Variants in RPAP1 observed in about 807,000 individuals in gnomAD.
RPAP1 encodes RNA polymerase II-associated protein 1.
RPAP1 carries 109 observed loss-of-function variants against 142.4 expected under a neutral mutation model. That is an observed-to-expected ratio of 0.77 (90% CI 0.66 to 0.90). The LOEUF (loss-of-function observed/expected upper bound fraction) is 0.90, where lower values mean the gene tolerates loss of function less well. Ranked by LOEUF, RPAP1 falls within the 40% of genes least tolerant of loss-of-function variation. The pLI is 0.00. For synonymous variants in RPAP1, 704 were observed against 738.9 expected (o/e 0.95, Z 0.77); for missense variants, 1,546 against 1,751.7 (o/e 0.88, Z 2.10).
At chr15:41,524,002 AGG>A (rs775856250) in intron 16 of RPAP1, 30 bp from the exon 17 acceptor site, 1 of 1,612,930 alleles carries the variant, frequency 6.2e-7, no homozygotes, top group South Asian at 1.1e-5. Context: ...TGCCACAGTG[AGG>A]ATCTGGCTGC....
At chr15:41,532,584 G>GTA (rs1466488524) in intron 6 of RPAP1, among the ~76,000 whole-genome samples, 1 of 152,126 alleles carries the variant, frequency 6.6e-6, no homozygotes, top group African/African-American at 2.4e-5. Context: ...GTATCACAGA[G>GTA]TAGAAGAGAC....
In RPAP1 at chr15:41,520,843, CT is replaced by C. The variant is rs766229854; in HGVS notation, c.3342del (p.Asp1115ThrfsTer23). 2.5e-6 allele frequency: 4 copies of C among 1,613,768 alleles called. No homozygotes were observed. The highest frequency in any genetic ancestry group is 3.4e-6 in the Non-Finnish European group (4 of 1,180,044). ...GTGGGAGAGAGTCCCGAGGGGGTGT[CT>C]GAAGCCCGGTGGTAGAGGCGAATCA... is the stretch of plus-strand genomic sequence containing the variant. ...LPLIRLYHRASDTPSGLSPTD... is the reference protein window; with the variant it reads ...LPLIRLYHRAXDTPSGLSPTD... On this transcript the variant is annotated frameshift_variant, in exon 22 of 25. Transcript: ENST00000304330. LOFTEE classifies it high-confidence loss of function.
At chr15:41,534,659 A>G (rs1331811754) in intron 6 of RPAP1, 55 bp downstream of exon 6, 9 of 1,343,222 alleles carry the variant, frequency 6.7e-6, no homozygotes, top group African/African-American at 1.4e-5. Flanking sequence ...GCCTAGCTCA[A>G]TAAGTGGTAT....
At position 41,531,639 on chromosome 15, in the gene RPAP1, T is replaced by A. The variant is rs1416665084; in HGVS notation, c.764-437A>T. On this transcript the variant is annotated intron_variant, in intron 6 of 24. Coordinates refer to ENST00000304330, the MANE Select transcript of RPAP1 (RefSeq NM_015540.4). ...TATATATATATATATTTTTTTTTTT[T>A]TTTTTTTTTTTTTTTTTTTGAGACG... Among the ~76,000 whole-genome samples, 159 of 59,680 alleles carry A rather than the reference T, an allele frequency of 2.7e-3. 2 individuals carry two copies. Among genetic ancestry groups the A allele is most frequent in the South Asian group, 5.7e-3 (13 of 2,296 alleles). The allele number at this position is 59,680 out of a possible 152,430, so 39.2% of individuals were successfully genotyped here. A position where few individuals can be genotyped will look rare whatever the true frequency, so the allele number is the denominator to read the frequency against.
intron 6 of RPAP1, chr15:41,533,248 T>A (rs2051872898): frequency 6.6e-6 from 1 of 150,624 alleles, no homozygotes; most frequent in Non-Finnish European, 1.5e-5. Context: ...GGTCGGTGGA[T>A]CACTTGATGC....
Position 41,522,968 on chromosome 15 carries a change from T to C in RPAP1, c.2547-8A>G, listed in dbSNP as rs2051746094. 1 of 1,517,022 alleles carries C rather than the reference T, an allele frequency of 6.6e-7. No individual in the cohort carries two copies. Among genetic ancestry groups the C allele is most frequent in the East Asian group, 2.4e-5 (1 of 40,934 alleles). The allele number at this position is 1,517,022 out of a possible 1,614,324, so 94.0% of individuals were successfully genotyped here. A position where few individuals can be genotyped will look rare whatever the true frequency, so the allele number is the denominator to read the frequency against. On this transcript the variant is annotated splice_region_variant and splice_polypyrimidine_tract_variant and intron_variant, in intron 18 of 24. Transcript: ENST00000304330. Reference sequence around the variant, plus strand: ...CAGAGAAGGGAGCAGTGCCTGTAGGTGAAGTGGAGAGTCTGAGGGGGACTC... The same window carrying C: ...CAGAGAAGGGAGCAGTGCCTGTAGGCGAAGTGGAGAGTCTGAGGGGGACTC...
In RPAP1 at chr15:41,519,965, T is replaced by C. The variant is rs2051706551; in HGVS notation, c.3795+426A>G. On this transcript the variant is annotated intron_variant, in intron 22 of 24. Transcript: ENST00000304330. Reference sequence around the variant, plus strand: ...TTTTTTCTTTTTTGAGACAGGGTCTTGCTCTGTCACTGGGCTGGGGTGCAG... The same window carrying C: ...TTTTTTCTTTTTTGAGACAGGGTCTCGCTCTGTCACTGGGCTGGGGTGCAG... The C allele has an allele frequency of 2.3e-5, 5 of 217,286 alleles. No homozygotes were observed. The South Asian group carries it at 3.6e-4, about 16-fold the overall frequency. The allele number at this position is 217,286 out of a possible 1,614,324, so 13.5% of individuals were successfully genotyped here. A position where few individuals can be genotyped will look rare whatever the true frequency, so the allele number is the denominator to read the frequency against.
chr15:41,524,020 G>A (rs376409007), intron 16 of RPAP1, 48 bp from the exon 17 acceptor site: 32 of 1,609,864 alleles, frequency 2.0e-5, no homozygotes, highest in East Asian at 6.7e-5. Flanking sequence ...GCTGCCTCAC[G>A]CCCCTTTACA....
At position 41,522,769 on chromosome 15, in the gene RPAP1, C is replaced by T. The variant is rs752179255; in HGVS notation, c.2738G>A (p.Gly913Asp). The T allele has an allele frequency of 2.0e-6, 3 of 1,531,796 alleles. No homozygotes were observed. The African/African-American group carries it at 4.3e-5, about 22-fold the overall frequency. The allele number at this position is 1,531,796 out of a possible 1,614,324, so 94.9% of individuals were successfully genotyped here. A position where few individuals can be genotyped will look rare whatever the true frequency, so the allele number is the denominator to read the frequency against. ...TLAQIHKGLC[G>D]QLAAILAAPG... ...AATCAGGCACCCCACACTTACCTGG[C>T]CACACAGCCCCTTGTGGATCTGGGC... is the stretch of plus-strand genomic sequence containing the variant. Residue 913 changes from glycine to aspartate, a missense_variant, in exon 19 of 25, where the codon GGC becomes GAC. By Grantham distance (94) the Gly-to-Asp change is moderately conservative. Around this residue, in one of 3 missense-constraint regions of RPAP1, gnomAD observed 1,333 missense variants for 1,486.6 expected, o/e 0.90. Coordinates refer to ENST00000304330, the MANE Select transcript of RPAP1 (RefSeq NM_015540.4).
intron 22 of RPAP1, chr15:41,519,468 C>G (rs2051702255): frequency 6.6e-6 from 1 of 152,014 alleles, no homozygotes; most frequent in Non-Finnish European, 1.5e-5. Context: ...ACCTCGGCCT[C>G]CCAAAGTGCT....
In RPAP1 at chr15:41,522,823, G is replaced by A; in HGVS notation, c.2684C>T (p.Thr895Ile). 1 of 1,586,538 alleles carries A rather than the reference G, an allele frequency of 6.3e-7. No homozygotes were observed. The highest frequency in any genetic ancestry group is 8.5e-7 in the Non-Finnish European group (1 of 1,171,142). Residue 895 changes from threonine to isoleucine, a missense_variant, in exon 19 of 25, where the codon ACT (threonine) becomes ATT (isoleucine). By Grantham distance (89) the Thr-to-Ile change is moderately conservative. Coordinates refer to ENST00000304330, the MANE Select transcript of RPAP1 (RefSeq NM_015540.4). ...GGTATTAAGAAGAGAGAGGAGGGCA[G>A]TGAGGAATGGGAAGGGTGAGGCTGA... ...AGSASPFPFLTALLSLLNTLA... is the reference protein window; with the variant it reads ...AGSASPFPFLIALLSLLNTLA...
intron 6 of RPAP1, among the ~76,000 whole-genome samples, chr15:41,534,249 C>T (rs182745566): frequency 8.6e-5 from 13 of 151,880 alleles, no homozygotes; most frequent in Non-Finnish European, 1.6e-4. Flanking sequence ...GAAACCCTAC[C>T]TCTACTAAAA....
intron 14 of RPAP1, among the ~76,000 whole-genome samples, chr15:41,526,145 T>G (rs537523243): frequency 6.6e-6 from 1 of 152,316 alleles, no homozygotes; most frequent in East Asian, 1.9e-4. Flanking sequence ...AGGTGGGGTT[T>G]TGCCATATTG....
chr15:41,525,072 T>C lies in RPAP1; in HGVS notation c.1994A>G (p.Glu665Gly), dbSNP rs2051776441. ...EAPQELALPP[E>G]EAEMLSTEAL... is the part of the protein sequence containing the mutation. ...CTCGGTGCTCAGCATCTCAGCTTCC[T>C]CTGGGGGCAAGGCCAGTTCTTGGGG... is the stretch of plus-strand genomic sequence containing the variant. Residue 665 changes from glutamate (E) to glycine (G), a missense_variant, in exon 15 of 25, where the codon GAG (glutamate) becomes GGG (glycine). Glu to Gly is a moderately conservative substitution (Grantham distance 98). Around this residue, in one of 3 missense-constraint regions of RPAP1, gnomAD observed 1,333 missense variants for 1,486.6 expected, o/e 0.90. Transcript: ENST00000304330. 6.2e-7 allele frequency: 1 copy of C among 1,614,100 alleles called. No individual in the cohort carries two copies. Among genetic ancestry groups the C allele is most frequent in the African/African-American group, 1.3e-5 (1 of 75,062 alleles).
In RPAP1 at chr15:41,517,423, C is replaced by G. The variant is rs1361590194; in HGVS notation, c.*119G>C. 3.1e-6 allele frequency: 3 copies of G among 965,370 alleles called. No homozygotes were observed. Among genetic ancestry groups the G allele is most frequent in the Non-Finnish European group, 4.6e-6 (3 of 654,962 alleles). The allele number at this position is 965,370 out of a possible 1,614,324, so 59.8% of individuals were successfully genotyped here. On this transcript the variant is annotated 3_prime_UTR_variant, in exon 25 of 25. Coordinates refer to ENST00000304330, the MANE Select transcript of RPAP1 (RefSeq NM_015540.4). ...AACAACCTGCTCCCAGGAAGGCAAG[C>G]CTTCTGCTCCTTGGTCTCCTGCCTA...
rs1466582444 is a variant in RPAP1 at position 41,534,767 on chromosome 15, G to A, written c.710C>T (p.Ala237Val). The A allele has an allele frequency of 6.2e-7, 1 of 1,613,862 alleles. No individual in the cohort carries two copies. Among genetic ancestry groups the A allele is most frequent in the African/African-American group, 1.3e-5 (1 of 74,870 alleles). ...CTGCAGGATCTCCTCAGGAGCCATG[G>A]CCTGCAGTCTTGCTATGTTCTCTTC... ...IHEENIARLQ[A>V]MAPEEILQEQ... The change falls in exon 6 of 25, where the codon GCC becomes GTC. Residue 237 changes from alanine (A) to valine (V), a missense_variant. Ala to Val is a moderately conservative substitution (Grantham distance 64). Around this residue, in one of 3 missense-constraint regions of RPAP1, gnomAD observed 1,333 missense variants for 1,486.6 expected, o/e 0.90. Transcript: ENST00000304330.
intron 22 of RPAP1, 90 bp downstream of exon 22, chr15:41,520,301 T>C (rs770893844): frequency 2.8e-6 from 4 of 1,416,412 alleles, no homozygotes; most frequent in South Asian, 1.2e-5. Context: ...ATGAGGAAGC[T>C]GAGGTCTTCC....
At position 41,518,070 on chromosome 15, in the gene RPAP1, AC is replaced by A; in HGVS notation, c.3907del (p.Val1303CysfsTer79). ...TGALRPRWCP[V>X]LYAVAVAHVN... ...ATGAGCCACAGCCACAGCATAGAGC[AC>A]GGGGCACCAACGTGGGCGGAGCGCA... is the stretch of plus-strand genomic sequence containing the variant. On this transcript the variant is annotated frameshift_variant, in exon 23 of 25. Coordinates refer to ENST00000304330, the MANE Select transcript of RPAP1 (RefSeq NM_015540.4). LOFTEE classifies it high-confidence loss of function. 2 of 1,612,984 alleles carry A rather than the reference AC, an allele frequency of 1.2e-6. No homozygotes were observed. The highest frequency in any genetic ancestry group is 1.7e-6 in the Non-Finnish European group (2 of 1,179,680).
At chr15:41,540,915 T>C (rs2051966016) in intron 1 of RPAP1, among the ~76,000 whole-genome samples, 2 of 152,212 alleles carry the variant, frequency 1.3e-5, no homozygotes, top group African/African-American at 4.8e-5. Flanking sequence ...GAAGCTGTCC[T>C]GCGCACTGTA....
Sources: gnomAD v4.1 joint callset for allele counts (sites outside exome capture counted in the v4.1 genomes callset) on GRCh38, gnomAD v4.1.1 for gene constraint, gnomAD v4.1.1 regional missense constraint, MANE v1.5 for transcripts, NCBI Gene and HGNC (gene_info 2026-07-23, HGNC 2026-07-21) for gene names.